The following YES1 variants were observed in gnomAD, a reference collection of about 807,000 sequenced individuals.
YES1 encodes tyrosine-protein kinase Yes.
Under a neutral mutation model 70.4 loss-of-function variants are expected in YES1, and 39 were observed. That is an observed-to-expected ratio of 0.55 (90% CI 0.43 to 0.72). YES1 has a LOEUF of 0.72. YES1 is among the 30% of genes least tolerant of loss of function. The pLI is 0.00. For missense variants in YES1, 495 were observed against 644.8 expected, an observed-to-expected ratio of 0.77 and a Z score of 2.52; for synonymous variants, 198 against 218.6, an observed-to-expected ratio of 0.91 and a Z score of 0.83.
At chr18:808,902 A>G (rs1186911517) in intron 1 of YES1, among the ~76,000 whole-genome samples, 1 of 152,206 alleles carries the variant, frequency 6.6e-6, no homozygotes, top group Non-Finnish European at 1.5e-5. Context: ...TTAAACAAAA[A>G]CTTATTTTAT....
rs71174286 is a variant in YES1 at position 763,703 on chromosome 18, C to CAAA, written c.-8-6871_-8-6869dup. Among the ~76,000 whole-genome samples, 139 of 63,282 alleles carry CAAA rather than the reference C, an allele frequency of 2.2e-3. 2 individuals are homozygous for CAAA. The highest frequency in any genetic ancestry group is 3.1e-3 in the Non-Finnish European group (106 of 34,252). 41.5% of individuals were successfully genotyped at this position (63,282 alleles called of 152,430 possible). A position where few individuals can be genotyped will look rare whatever the true frequency, so the allele number is the denominator to read the frequency against. On this transcript the variant is annotated intron_variant, in intron 1 of 11. Coordinates refer to ENST00000314574, the MANE Select transcript of YES1 (RefSeq NM_005433.4). ...TGGATGACAGAGGAGATCCTGTCTTCAAAAAAAAAAAAAAAAAAAAAAGAC... is the reference window on the plus strand; with the variant it reads ...TGGATGACAGAGGAGATCCTGTCTTCAAAAAAAAAAAAAAAAAAAAAAAAAGAC...
intron 1 of YES1, among the ~76,000 whole-genome samples, chr18:807,343 A>T (rs915583154): frequency 4.0e-5 from 6 of 151,598 alleles, no homozygotes; most frequent in Non-Finnish European, 8.8e-5. Flanking sequence ...AAAAAAAAAA[A>T]AAAAAATTAG....
intron 1 of YES1, among the ~76,000 whole-genome samples, chr18:811,515 G>A (rs945353010): frequency 2.6e-5 from 4 of 152,202 alleles, no homozygotes; most frequent in Non-Finnish European, 4.4e-5. Context: ...CGCAACGGGA[G>A]GCGGAGTGGC....
chr18:729,275 C>T lies in YES1; in HGVS notation c.1423+3559G>A, dbSNP rs560031666. 5.3e-5 allele frequency among the ~76,000 whole-genome samples: 8 copies of T among 152,024 alleles called. No individual in the cohort carries two copies. The East Asian group carries it at 7.8e-4, about 15-fold the overall frequency. Reference sequence around the variant, plus strand: ...CTAAAATTTCCATTTGAGGGCCAGGCGGGGTGGCTCACGCCTGTAATCTCA... The same window carrying T: ...CTAAAATTTCCATTTGAGGGCCAGGTGGGGTGGCTCACGCCTGTAATCTCA... On this transcript the variant is annotated intron_variant, in intron 11 of 11. Coordinates refer to ENST00000314574, the MANE Select transcript of YES1 (RefSeq NM_005433.4).
chr18:804,979 T>C (rs529049893), intron 1 of YES1, among the ~76,000 whole-genome samples: 3 of 151,820 alleles, frequency 2.0e-5, no homozygotes, highest in East Asian at 3.9e-4. Context: ...TTAGTAGAAC[T>C]GCAATTTGCT....
intron 11 of YES1, among the ~76,000 whole-genome samples, chr18:729,526 T>A (rs2080062235): frequency 6.6e-6 from 1 of 152,066 alleles, no homozygotes; most frequent in Non-Finnish European, 1.5e-5. Context: ...AAAACTTTTC[T>A]TCTATTTTAA....
At chr18:772,466 CTT>C (rs971425428) in intron 1 of YES1, among the ~76,000 whole-genome samples, 2 of 151,856 alleles carry the variant, frequency 1.3e-5, no homozygotes, top group Non-Finnish European at 2.9e-5. Context: ...GAGTCTCACT[CTT>C]GTCACCCAGG....
In YES1 at chr18:751,176, T is replaced by C. The variant is rs890309654; in HGVS notation, c.371+529A>G. The stretch of plus-strand genomic sequence containing the variant: ...ATTTTGAGAAGTTACAAAGTGGTCA[T>C]TATGCTTGCTAATGAAATTATTCGA... On this transcript the variant is annotated intron_variant, in intron 3 of 11. Transcript: ENST00000314574. Among the ~76,000 whole-genome samples the C allele has an allele frequency of 3.9e-5, 6 of 152,186 alleles. 1 individual carries two copies. In the South Asian group the frequency reaches 1.2e-3, roughly 32 times the overall value.
intron 11 of YES1, among the ~76,000 whole-genome samples, chr18:731,530 CTAAAGAT>C (rs1231447972): frequency 6.6e-6 from 1 of 152,064 alleles, no homozygotes; most frequent in Non-Finnish European, 1.5e-5. Flanking sequence ...ACAGTTTTTC[CTAAAGAT>C]TAAATTTTAT....
intron 4 of YES1, among the ~76,000 whole-genome samples, chr18:746,302 G>C (rs1338161467): frequency 6.6e-6 from 1 of 152,130 alleles, no homozygotes; most frequent in African/African-American, 2.4e-5. Flanking sequence ...CCACCTGACA[G>C]TCACAGGAAC....
At chr18:733,082 C>A in intron 10 of YES1, 117 bp from the exon 11 acceptor site, 1 of 931,822 alleles carries the variant, frequency 1.1e-6, no homozygotes, top group Non-Finnish European at 1.6e-6. Context: ...AGTGTCAATT[C>A]TTTAAATGTA....
rs750831029 is a variant in YES1, at chr18:724,581, G to A, written c.1475C>T (p.Pro492Leu). 14 of 1,613,968 alleles carry A rather than the reference G, an allele frequency of 8.7e-6. No homozygotes were observed. The highest frequency in any genetic ancestry group is 1.2e-5 in the Non-Finnish European group (14 of 1,180,010). ...GGATTCTGGACAGCCCTGAGGGCAC[G>A]GCATCCTGTATCCTCGCTCCACTTG... ...LEQVERGYRM[P>L]CPQGCPESLH... The change falls in exon 12 of 12, where the codon CCG becomes CTG. Residue 492 changes from proline (P) to leucine (L), a missense_variant. By Grantham distance (98) the Pro-to-Leu change is moderately conservative. Coordinates refer to ENST00000314574, the MANE Select transcript of YES1 (RefSeq NM_005433.4).
Position 735,289 on chromosome 18 carries a change from C to CAT in YES1, c.1291+1517_1291+1518dup, listed in dbSNP as rs1451833386. On this transcript the variant is annotated intron_variant, in intron 10 of 11. Transcript: ENST00000314574. ...AATGAGTGGATAAAAAAAAATGTGG[C>CAT]ATATATACACCATGGTATACTACTC... Among the ~76,000 whole-genome samples the CAT allele has an allele frequency of 2.0e-5, 3 of 151,920 alleles. No homozygotes were observed. The East Asian group carries it at 5.8e-4, about 29-fold the overall frequency.
chr18:779,413 A>G lies in YES1; in HGVS notation c.-8-22578T>C, dbSNP rs187521706. Reference sequence around the variant, plus strand: ...AGTGAGACCCTGTCTCAAAAAAAAAAAAAAAAGAAAGAAAGAAATGTATAG... The same window carrying G: ...AGTGAGACCCTGTCTCAAAAAAAAAGAAAAAAGAAAGAAAGAAATGTATAG... On this transcript the variant is annotated intron_variant, in intron 1 of 11. Coordinates refer to ENST00000314574, the MANE Select transcript of YES1 (RefSeq NM_005433.4). 4.5e-3 allele frequency among the ~76,000 whole-genome samples: 679 copies of G among 152,098 alleles called. 4 individuals are homozygous for G. The highest frequency in any genetic ancestry group is 0.011 in the Admixed American group (162 of 15,276).
chr18:812,416 G>A (rs1443101659), upstream of YES1: 2 of 150,852 alleles, frequency 1.3e-5, no homozygotes, highest in South Asian at 2.1e-4. Context: ...ACCGGAACTC[G>A]GGCCACGCCG....
intron 1 of YES1, among the ~76,000 whole-genome samples, chr18:806,751 A>T (rs1172415084): frequency 6.6e-6 from 1 of 152,244 alleles, no homozygotes; most frequent in Non-Finnish European, 1.5e-5. Context: ...TCATAACACC[A>T]ATCTCTTGCT....
chr18:749,147 C>T (rs1598903749), intron 3 of YES1, among the ~76,000 whole-genome samples: 2 of 150,624 alleles, frequency 1.3e-5, no homozygotes, highest in East Asian at 2.0e-4. Context: ...GGCTACAGAG[C>T]GAGACTCCAT....
At chr18:729,214 T>G (rs368561771) in intron 11 of YES1, among the ~76,000 whole-genome samples, 1 of 152,152 alleles carries the variant, frequency 6.6e-6, no homozygotes, top group African/African-American at 2.4e-5. Flanking sequence ...TATGCCCATC[T>G]AGTGAGTACT....
chr18:734,312 T>C (rs570442547), intron 10 of YES1, among the ~76,000 whole-genome samples: 12 of 151,042 alleles, frequency 7.9e-5, no homozygotes, highest in African/African-American at 2.7e-4. Flanking sequence ...CCCAGCACTT[T>C]GGGAGGCCGA....
Sources: allele counts gnomAD v4.1 joint callset (sites outside exome capture counted in the v4.1 genomes callset), GRCh38; gene constraint gnomAD v4.1.1; transcripts MANE v1.5; gene names NCBI Gene and HGNC (gene_info 2026-07-23, HGNC 2026-07-21).